DNM3: variants seen among roughly 807,000 people sequenced by gnomAD.
DNM3 encodes the protein dynamin-3.
Under a neutral mutation model 101.6 loss-of-function variants are expected in DNM3, and 47 were observed. The observed-to-expected ratio is 0.46, with a 90% CI of 0.37 to 0.59. DNM3 has a LOEUF of 0.59. Among genes scored for constraint, DNM3 ranks in the 20% least tolerant of loss-of-function variants. The pLI is 0.00. For synonymous variants in DNM3, 385 were observed against 387.9 expected, an observed-to-expected ratio of 0.99 and a Z score of 0.09; for missense variants, 849 against 1,085.7, an observed-to-expected ratio of 0.78 and a Z score of 3.06.
At chr1:172,132,945 G>A in intron 14 of DNM3, 4 of 1,501,008 alleles carry the variant, frequency 2.7e-6, no homozygotes, top group Non-Finnish European at 3.6e-6. Context: ...CTAGTTGGTG[G>A]CAAAGCAGAA....
intron 12 of DNM3, among the ~76,000 whole-genome samples, chr1:172,086,651 G>A (rs953890437): frequency 3.3e-5 from 5 of 152,082 alleles, no homozygotes; most frequent in East Asian, 1.9e-4. Flanking sequence ...TAGTGACTCC[G>A]GCTGATGGCT....
At chr1:172,393,940 G>A (rs961479066) in intron 20 of DNM3, 2 of 152,440 alleles carry the variant, frequency 1.3e-5, no homozygotes, top group African/African-American at 4.8e-5. Flanking sequence ...TTTAATATGA[G>A]TTGTCATGAT....
At chr1:171,892,495 A>T (rs2037377173) in intron 1 of DNM3, among the ~76,000 whole-genome samples, 1 of 152,232 alleles carries the variant, frequency 6.6e-6, no homozygotes, top group Non-Finnish European at 1.5e-5. Context: ...GCTAAATATG[A>T]GTTTAGACTG....
intron 4 of DNM3, among the ~76,000 whole-genome samples, chr1:172,016,797 A>G (rs1161660347): frequency 2.0e-5 from 3 of 152,016 alleles, no homozygotes; most frequent in African/African-American, 7.3e-5. Context: ...CCAATCACCT[A>G]TTTCTTCTGG....
chr1:172,350,645 T>A (rs747996360), intron 17 of DNM3, among the ~76,000 whole-genome samples: 1 of 152,120 alleles, frequency 6.6e-6, no homozygotes, highest in African/African-American at 2.4e-5. Context: ...AATGAAATCA[T>A]GGGAGAAGAA....
At chr1:172,119,361 C>A (rs952908189) in intron 13 of DNM3, among the ~76,000 whole-genome samples, 1 of 152,114 alleles carries the variant, frequency 6.6e-6, no homozygotes, top group Non-Finnish European at 1.5e-5. Context: ...TTACGTTTGA[C>A]CTTACAGTGG....
chr1:171,949,134 A>G (rs1344471547), intron 2 of DNM3, among the ~76,000 whole-genome samples: 2 of 152,160 alleles, frequency 1.3e-5, no homozygotes, highest in African/African-American at 4.8e-5. Flanking sequence ...ATTGTCGATT[A>G]TATTTTAAAT....
intron 13 of DNM3, among the ~76,000 whole-genome samples, chr1:172,117,785 C>A (rs1351227394): frequency 6.6e-6 from 1 of 152,092 alleles, no homozygotes; most frequent in African/African-American, 2.4e-5. Flanking sequence ...TTTATTTTGA[C>A]CCCTAGTAAT....
At chr1:172,367,920 C>T (rs2068108817) in intron 17 of DNM3, among the ~76,000 whole-genome samples, 1 of 151,814 alleles carries the variant, frequency 6.6e-6, no homozygotes, top group African/African-American at 2.4e-5. Flanking sequence ...ATGCTATTCT[C>T]ATGAGAATGA....
intron 14 of DNM3, among the ~76,000 whole-genome samples, chr1:172,225,029 G>A (rs2061051916): frequency 6.6e-6 from 1 of 151,634 alleles, no homozygotes; most frequent in Admixed American, 6.6e-5. Context: ...CCCAGTGGTA[G>A]AGTCAGGACT....
chr1:171,869,741 A>G (rs2035101413), intron 1 of DNM3, among the ~76,000 whole-genome samples: 2 of 152,220 alleles, frequency 1.3e-5, no homozygotes, highest in Non-Finnish European at 2.9e-5. Context: ...TTGTTTGAAA[A>G]TGTAAAGTAA....
intron 15 of DNM3, 104 bp downstream of exon 15, chr1:172,253,786 T>C (rs539252019): frequency 1.6e-6 from 1 of 608,200 alleles, no homozygotes; most frequent in Non-Finnish European, 2.6e-6. Context: ...ACCTTGAAAT[T>C]TGTCTGCTCT....
chr1:172,090,838 C>T (rs1437715681), intron 12 of DNM3, among the ~76,000 whole-genome samples: 2 of 152,196 alleles, frequency 1.3e-5, no homozygotes, highest in Admixed American at 1.3e-4. Flanking sequence ...CATCCCATCA[C>T]TTTAAACAGT....
At chr1:172,025,832 A>G (rs974323198) in intron 4 of DNM3, among the ~76,000 whole-genome samples, 1 of 152,198 alleles carries the variant, frequency 6.6e-6, no homozygotes, top group Non-Finnish European at 1.5e-5. Context: ...AGGTAGATAA[A>G]TCTATGAAGA....
chr1:172,115,805 C>T (rs1226338355), intron 13 of DNM3, among the ~76,000 whole-genome samples: 2 of 152,076 alleles, frequency 1.3e-5, no homozygotes, highest in African/African-American at 4.8e-5. Context: ...ATTTTCTCTC[C>T]AACATAAACC....
At chr1:172,385,506 G>C (rs1205168492) in intron 18 of DNM3, among the ~76,000 whole-genome samples, 3 of 152,182 alleles carry the variant, frequency 2.0e-5, no homozygotes, top group Non-Finnish European at 4.4e-5. Flanking sequence ...TTGTGTATTA[G>C]ATTACTTTCA....
rs139589946 is a variant in DNM3, at chr1:172,217,715, T to C, written c.1660-35858T>C. On this transcript the variant is annotated intron_variant, in intron 14 of 20. Coordinates refer to ENST00000627582, the MANE Select transcript of DNM3 (RefSeq NM_015569.5). Reference sequence around the variant, plus strand: ...TCCTTACTTTTTTAACTACAGCCTATCAACCAAAGTTTATTCTATGGTTGA... The same window carrying C: ...TCCTTACTTTTTTAACTACAGCCTACCAACCAAAGTTTATTCTATGGTTGA... Among the ~76,000 whole-genome samples, 560 of 152,198 alleles carry C rather than the reference T, an allele frequency of 3.7e-3. 4 individuals carry two copies. The highest frequency in any genetic ancestry group is 0.013 in the African/African-American group (531 of 41,544).
At chr1:172,255,563 C>A (rs764962133) in intron 15 of DNM3, among the ~76,000 whole-genome samples, 6 of 152,080 alleles carry the variant, frequency 3.9e-5, no homozygotes, top group Non-Finnish European at 7.4e-5. Context: ...TTAAAGACAG[C>A]AAAAGTCACC....
chr1:171,946,391 C>A (rs1026883459), intron 2 of DNM3, among the ~76,000 whole-genome samples: 1 of 152,132 alleles, frequency 6.6e-6, no homozygotes, highest in African/African-American at 2.4e-5. Context: ...TACTGGAAAG[C>A]AGTCAACTTT....
Sources: gnomAD v4.1 joint callset for allele counts (sites outside exome capture counted in the v4.1 genomes callset) on GRCh38, gnomAD v4.1.1 for gene constraint, MANE v1.5 for transcripts, NCBI Gene and HGNC (gene_info 2026-07-23, HGNC 2026-07-21) for gene names.